The following TNS1 variants were observed in gnomAD, a reference collection of about 807,000 sequenced individuals.
The protein encoded by TNS1 is tensin-1.
A neutral mutation model predicts 168.6 loss-of-function variants in TNS1; 62 were observed. The ratio of observed to expected loss-of-function variants is 0.37; its 90% CI spans 0.30 to 0.45. The LOEUF (loss-of-function observed/expected upper bound fraction) is 0.45, where lower values mean the gene tolerates loss of function less well. Among genes scored for constraint, TNS1 ranks in the 20% least tolerant of loss-of-function variants. The pLI, the probability that TNS1 is intolerant of heterozygous loss-of-function variation, is 1.00. For synonymous variants in TNS1, 934 were observed against 933.2 expected (o/e 1.00, Z -0.02); for missense variants, 2,240 against 2,339.4 (o/e 0.96, Z 0.88).
chr2:217,882,172 G>A (rs1950744545), intron 17 of TNS1, 174 bp downstream of exon 17: 1 of 561,800 alleles, frequency 1.8e-6, no homozygotes, highest in African/African-American at 2.0e-5. Flanking sequence ...CAGAGATTAA[G>A]TCACTGGTTC....
intron 18 of TNS1, among the ~76,000 whole-genome samples, chr2:217,860,686 A>G (rs571847334): frequency 3.9e-5 from 6 of 152,246 alleles, no homozygotes; most frequent in Non-Finnish European, 8.8e-5. Flanking sequence ...ATAAAAATAA[A>G]CTTCATTTAA....
intron 3 of TNS1, among the ~76,000 whole-genome samples, chr2:217,932,672 G>C (rs982751503): frequency 6.6e-6 from 1 of 152,204 alleles, no homozygotes; most frequent in Non-Finnish European, 1.5e-5. Flanking sequence ...AGAAACAATA[G>C]AGGGAGAGGA....
At chr2:217,980,948 C>T (rs541251388) in intron 2 of TNS1, among the ~76,000 whole-genome samples, 1 of 152,350 alleles carries the variant, frequency 6.6e-6, no homozygotes, top group African/African-American at 2.4e-5. Context: ...AGAGGCCTCC[C>T]CTGACCACTC....
chr2:217,814,430 G>C (rs1941530512), intron 25 of TNS1, among the ~76,000 whole-genome samples: 1 of 152,168 alleles, frequency 6.6e-6, no homozygotes. Context: ...GCACAGGGAG[G>C]ATGCAAGCCA....
Position 217,900,492 on chromosome 2 carries a change from C to CG in TNS1, c.341dup (p.Ser115GlufsTer23). 1 of 1,535,424 alleles carries CG rather than the reference C, an allele frequency of 6.5e-7. No homozygotes were observed. The highest frequency in any genetic ancestry group is 8.7e-7 in the Non-Finnish European group (1 of 1,146,686). Reference sequence around the variant, plus strand: ...TGGGCTGGAGGTGGGGCTGGACACTCGGGGTGACCCTGGTGGAGCCCTGGG... The same window carrying CG: ...TGGGCTGGAGGTGGGGCTGGACACTCGGGGGTGACCCTGGTGGAGCCCTGGG... On this transcript the variant is annotated frameshift_variant, in exon 7 of 33. Transcript: ENST00000682258. LOFTEE classifies it high-confidence loss of function.
intron 3 of TNS1, among the ~76,000 whole-genome samples, chr2:217,959,127 C>T (rs1334641796): frequency 6.6e-6 from 1 of 152,200 alleles, no homozygotes; most frequent in Non-Finnish European, 1.5e-5. Context: ...TTCACCCATT[C>T]CTTAGCTGTG....
chr2:217,989,464 A>C (rs879400776), intron 2 of TNS1, among the ~76,000 whole-genome samples: 4 of 152,054 alleles, frequency 2.6e-5, no homozygotes, highest in Non-Finnish European at 5.9e-5. Flanking sequence ...GAGGCCCTGC[A>C]ATTGGTGGGA....
At chr2:217,985,985 C>T (rs1289252906) in intron 2 of TNS1, among the ~76,000 whole-genome samples, 1 of 152,162 alleles carries the variant, frequency 6.6e-6, no homozygotes, top group African/African-American at 2.4e-5. Flanking sequence ...CCTAAAGCTC[C>T]TCCAAAAACC....
chr2:217,961,150 A>G (rs1957485477), intron 3 of TNS1, among the ~76,000 whole-genome samples: 3 of 151,812 alleles, frequency 2.0e-5, no homozygotes, highest in African/African-American at 7.3e-5. Flanking sequence ...AGCTCTGTCC[A>G]GTTAGGGAGC....
rs370929487 is a variant in TNS1 at position 217,988,387 on chromosome 2, G to A, written c.148+2555C>T. Among the ~76,000 whole-genome samples, 16 of 152,302 alleles carry A rather than the reference G, an allele frequency of 1.1e-4. No individual in the cohort carries two copies. The South Asian group carries it at 3.1e-3, about 30-fold the overall frequency. On this transcript the variant is annotated intron_variant, in intron 2 of 32. Coordinates refer to ENST00000682258, the MANE Select transcript of TNS1 (RefSeq NM_001387777.1). Reference sequence around the variant, plus strand: ...GAACCTAGAGCCATGGAATGTGAGGGCCACCGGAGACTGCAGCCAGAGAAA... The same window carrying A: ...GAACCTAGAGCCATGGAATGTGAGGACCACCGGAGACTGCAGCCAGAGAAA...
At position 217,897,646 on chromosome 2, in the gene TNS1, C is replaced by A. The variant is rs1952459229; in HGVS notation, c.543+152G>T. The A allele has an allele frequency of 3.7e-6, 3 of 804,344 alleles. No homozygotes were observed. The East Asian group carries it at 8.4e-5, about 23-fold the overall frequency. 49.8% of individuals were successfully genotyped at this position (804,344 alleles called of 1,614,324 possible). A position where few individuals can be genotyped will look rare whatever the true frequency, so the allele number is the denominator to read the frequency against. ...GCTGGAGAGTGATTGAAGACTCAGG[C>A]ACGAGAGCTGCCTGAGGGGAAAGGC... On this transcript the variant is annotated intron_variant, in intron 8 of 32. Transcript: ENST00000682258.
chr2:218,002,421 C>G (rs903248217), intron 1 of TNS1, among the ~76,000 whole-genome samples: 2 of 152,176 alleles, frequency 1.3e-5, no homozygotes, highest in Admixed American at 1.3e-4. Flanking sequence ...TTCTTTGCTC[C>G]CCAGCCCCAC....
chr2:217,962,218 T>C (rs1464272079), intron 3 of TNS1, among the ~76,000 whole-genome samples: 2 of 152,064 alleles, frequency 1.3e-5, no homozygotes, highest in African/African-American at 4.8e-5. Context: ...CCGAGGCGGG[T>C]GGATCACCTG....
At chr2:217,820,456 T>C (rs1233334225) in intron 23 of TNS1, among the ~76,000 whole-genome samples, 1 of 152,132 alleles carries the variant, frequency 6.6e-6, no homozygotes, top group Non-Finnish European at 1.5e-5. Context: ...TTGCCTCTGC[T>C]CATCTGCTCC....
intron 1 of TNS1, 51 bp downstream of exon 1, chr2:218,002,789 G>T (rs1958590345): frequency 4.4e-6 from 2 of 456,342 alleles, no homozygotes; most frequent in South Asian, 3.1e-5. Flanking sequence ...GCCGGTGGGG[G>T]GCGGGGGGTT....
chr2:217,829,990 G>A, intron 22 of TNS1: 4 of 1,523,280 alleles, frequency 2.6e-6, no homozygotes, highest in Non-Finnish European at 3.5e-6. Context: ...GAGATTAACA[G>A]GGATTATTTC....
Position 217,906,336 on chromosome 2 carries a change from T to C in TNS1, c.320A>G (p.Asn107Ser). The change falls in exon 6 of 33, where the codon AAC becomes AGC. Residue 107 changes from asparagine (N) to serine (S), a missense_variant and splice_region_variant. Around this residue, in one of 2 missense-constraint regions of TNS1, gnomAD observed 2,131 missense variants for 2,171.2 expected, o/e 0.98. Coordinates refer to ENST00000682258, the MANE Select transcript of TNS1 (RefSeq NM_001387777.1). ...CTTCTTCTCCCCATCCACACTCACGTTGTCCTCGAGGCTTTTCCGTGTGTT... is the reference window on the plus strand; with the variant it reads ...CTTCTTCTCCCCATCCACACTCACGCTGTCCTCGAGGCTTTTCCGTGTGTT... ...GGNTRKSLED[N>S]GSTRVTPSVQ... is the part of the protein sequence containing the mutation. 1.5e-6 allele frequency: 1 copy of C among 661,768 alleles called. No homozygotes were observed. The highest frequency in any genetic ancestry group is 3.0e-5 in the East Asian group (1 of 33,778). 41.0% of individuals were successfully genotyped at this position (661,768 alleles called of 1,614,324 possible).
At chr2:217,875,743 G>A (rs1297666538) in intron 18 of TNS1, among the ~76,000 whole-genome samples, 4 of 152,184 alleles carry the variant, frequency 2.6e-5, no homozygotes, top group Non-Finnish European at 5.9e-5. Context: ...CTGGCTCCAG[G>A]CAGAGGCTCC....
intron 1 of TNS1, among the ~76,000 whole-genome samples, chr2:218,029,207 T>C (rs1392686739): frequency 1.4e-5 from 2 of 144,530 alleles, no homozygotes; most frequent in East Asian, 3.9e-4. Context: ...CTCCTTTCCC[T>C]CCTGAGGCAC....
Sources: allele counts gnomAD v4.1 joint callset (sites outside exome capture counted in the v4.1 genomes callset), GRCh38; gene constraint gnomAD v4.1.1; regional missense constraint gnomAD v4.1.1; transcripts MANE v1.5; gene names NCBI Gene and HGNC (gene_info 2026-07-23, HGNC 2026-07-21).